The following ERBIN variants were observed in gnomAD, a reference collection of about 807,000 sequenced individuals.
ERBIN encodes the protein erbb2 interacting protein, also known as densin-180-like protein.
ERBIN carries 60 observed loss-of-function variants against 158.4 expected under a neutral mutation model. The observed-to-expected ratio is 0.38, with a 90% CI of 0.31 to 0.47. ERBIN has a LOEUF of 0.47. Ranked by LOEUF, ERBIN falls within the 20% of genes least tolerant of loss-of-function variation. The pLI is 0.99. For synonymous variants in ERBIN, 594 were observed against 557.2 expected, an observed-to-expected ratio of 1.07 and a Z score of -0.93; for missense variants, 1,610 against 1,648.0, an observed-to-expected ratio of 0.98 and a Z score of 0.40.
chr5:66,051,852 C>A (rs114839883), intron 20 of ERBIN, among the ~76,000 whole-genome samples: 8,479 of 149,692 alleles, frequency 0.057, 862 homozygotes, highest in African/African-American at 0.2. Context: ...CTGTGATCAC[C>A]CCACTGCATT....
At position 66,076,390 on chromosome 5, in the gene ERBIN, A is replaced by G. The variant is rs781169756; in HGVS notation, c.4038A>G (p.Pro1346=). ...ISGGVGGRGN[P]FRPDDDGIFV... The stretch of plus-strand genomic sequence containing the variant: ...GTGGTGTCGGGGGTAGAGGAAACCC[A>G]TTCAGACCTGATGATGATGTAAGTT... Residue 1346 remains proline, a synonymous_variant, in exon 24 of 26, where the codon CCA becomes CCG. Coordinates refer to ENST00000284037, the MANE Select transcript of ERBIN (RefSeq NM_001253697.2). The G allele has an allele frequency of 6.2e-7, 1 of 1,612,408 alleles. No individual in the cohort carries two copies. Among genetic ancestry groups the G allele is most frequent in the Non-Finnish European group, 8.5e-7 (1 of 1,179,360 alleles).
intron 21 of ERBIN, among the ~76,000 whole-genome samples, chr5:66,066,521 A>AT (rs1761005777): frequency 6.7e-6 from 1 of 148,470 alleles, no homozygotes; most frequent in Non-Finnish European, 1.5e-5. Flanking sequence ...ACTGCCAAAA[A>AT]TAAAAAAAAA....
chr5:65,970,474 A>T (rs368156897), intron 1 of ERBIN, among the ~76,000 whole-genome samples: 6,102 of 152,126 alleles, frequency 0.04, 413 homozygotes, highest in African/African-American at 0.14. Context: ...ACTAACTACT[A>T]TTTTTCTGTA....
chr5:66,060,161 G>C lies in ERBIN; in HGVS notation c.3633+5210G>C, dbSNP rs577136704. On this transcript the variant is annotated intron_variant, in intron 21 of 25. Transcript: ENST00000284037. Reference sequence around the variant, plus strand: ...TGGTAGAATTCAGCTGTGAATCCATGTGGTCCTGGACTTTTTTTGGTTGGT... The same window carrying C: ...TGGTAGAATTCAGCTGTGAATCCATCTGGTCCTGGACTTTTTTTGGTTGGT... Among the ~76,000 whole-genome samples, 327 of 152,196 alleles carry C rather than the reference G, an allele frequency of 2.1e-3. 1 individual carries two copies. The highest frequency in any genetic ancestry group is 7.7e-3 in the African/African-American group (319 of 41,546).
At chr5:65,981,323 A>G (rs533657642) in intron 1 of ERBIN, among the ~76,000 whole-genome samples, 10 of 152,218 alleles carry the variant, frequency 6.6e-5, no homozygotes, top group Admixed American at 3.3e-4. Context: ...TTAAAGTTTA[A>G]TAAAGAAACA....
At chr5:65,987,689 TAAAG>T (rs1209043042) in intron 1 of ERBIN, among the ~76,000 whole-genome samples, 2 of 151,886 alleles carry the variant, frequency 1.3e-5, no homozygotes, top group Admixed American at 1.3e-4. Context: ...CCCGTCTCTC[TAAAG>T]AGTTAGCCAG....
Position 65,964,897 on chromosome 5 carries a change from G to A in ERBIN, c.-57-23738G>A, listed in dbSNP as rs373455691. On this transcript the variant is annotated intron_variant, in intron 1 of 25. Coordinates refer to ENST00000284037, the MANE Select transcript of ERBIN (RefSeq NM_001253697.2). ...TGGGACTACAGGCGTGGGCCACCAC[G>A]CCTGGCTGATTTGTGTGTGTGTGTG... 1.7e-4 allele frequency among the ~76,000 whole-genome samples: 25 copies of A among 144,400 alleles called. No homozygotes were observed. In the East Asian group the frequency reaches 3.0e-3, roughly 17 times the overall value. The allele number at this position is 144,400 out of a possible 152,430, so 94.7% of individuals were successfully genotyped here.
intron 1 of ERBIN, among the ~76,000 whole-genome samples, chr5:65,987,867 A>G (rs1049810771): frequency 1.3e-5 from 2 of 152,084 alleles, no homozygotes; most frequent in Non-Finnish European, 2.9e-5. Flanking sequence ...AAATCTTAGA[A>G]GGGAAAATAA....
intron 1 of ERBIN, among the ~76,000 whole-genome samples, chr5:65,979,776 A>G (rs1750446499): frequency 6.6e-6 from 1 of 152,272 alleles, no homozygotes. Flanking sequence ...TAAATGTGTG[A>G]ATAAATATGA....
chr5:65,947,619 T>A (rs1363663335), intron 1 of ERBIN, among the ~76,000 whole-genome samples: 1 of 152,156 alleles, frequency 6.6e-6, no homozygotes, highest in Non-Finnish European at 1.5e-5. Context: ...AACATCAAAT[T>A]TAGCTAAGCT....
intron 23 of ERBIN, 107 bp from the exon 24 acceptor site, chr5:66,076,209 A>G (rs1023040534): frequency 1.3e-6 from 1 of 765,600 alleles, no homozygotes; most frequent in African/African-American, 1.8e-5. Flanking sequence ...ATGAATTCTT[A>G]TGTTTATGTT....
chr5:65,996,011 A>T (rs78898067), intron 4 of ERBIN, among the ~76,000 whole-genome samples: 1,747 of 152,052 alleles, frequency 0.011, 97 homozygotes, highest in Admixed American at 0.095. Flanking sequence ...TTGAATGCTA[A>T]CCCCTTCTCA....
intron 25 of ERBIN, 56 bp downstream of exon 25, chr5:66,077,005 G>C: frequency 7.8e-7 from 1 of 1,279,124 alleles, no homozygotes; most frequent in South Asian, 1.3e-5. Context: ...TGTTTTCACA[G>C]TTTAAAATGT....
At chr5:65,950,800 T>TTC (rs1746407058) in intron 1 of ERBIN, among the ~76,000 whole-genome samples, 1 of 152,222 alleles carries the variant, frequency 6.6e-6, no homozygotes, top group African/African-American at 2.4e-5. Flanking sequence ...ATTTTTTTTT[T>TTC]TTCCTGTAGG....
intron 21 of ERBIN, among the ~76,000 whole-genome samples, chr5:66,069,191 C>A (rs1463894492): frequency 3.3e-5 from 5 of 152,174 alleles, no homozygotes; most frequent in African/African-American, 4.8e-5. Flanking sequence ...CTGATAAATT[C>A]ATTATCTCCT....
chr5:65,936,409 T>C (rs546499703), intron 1 of ERBIN, among the ~76,000 whole-genome samples: 3 of 152,310 alleles, frequency 2.0e-5, no homozygotes, highest in African/African-American at 7.2e-5. Context: ...GCCCTATTAA[T>C]CCCTGGGGAC....
rs182546053 is a variant in ERBIN, at chr5:66,073,521, A to T, written c.3756+1230A>T. 3.6e-3 allele frequency among the ~76,000 whole-genome samples: 549 copies of T among 152,316 alleles called. 4 individuals carry two copies. Among genetic ancestry groups the T allele is most frequent in the Non-Finnish European group, 6.1e-3 (418 of 68,018 alleles). On this transcript the variant is annotated intron_variant, in intron 22 of 25. Coordinates refer to ENST00000284037, the MANE Select transcript of ERBIN (RefSeq NM_001253697.2). The stretch of plus-strand genomic sequence containing the variant: ...ACAGAATACCCATGTGTGTTCCTAG[A>T]CTTCAGAATTTAACTAAGTTCTCAA...
At chr5:66,022,459 CTATATT>C (rs1348263570) in intron 8 of ERBIN, among the ~76,000 whole-genome samples, 4 of 152,136 alleles carry the variant, frequency 2.6e-5, no homozygotes, top group African/African-American at 7.2e-5. Context: ...GGATTCTTAT[CTATATT>C]TATATGTTAA....
chr5:66,054,258 A>G lies in ERBIN; in HGVS notation c.2940A>G (p.Gln980=), dbSNP rs1759358203. The G allele has an allele frequency of 6.2e-7, 1 of 1,614,156 alleles. No homozygotes were observed. Among genetic ancestry groups the G allele is most frequent in the African/African-American group, 1.3e-5 (1 of 75,036 alleles). ...QIYGPPQYNI[Q]YSSSAAVKDT... ...ATGGTCCTCCACAGTATAATATCCAATACAGTAGCAGTGCTGCAGTCAAAG... is the reference window on the plus strand; with the variant it reads ...ATGGTCCTCCACAGTATAATATCCAGTACAGTAGCAGTGCTGCAGTCAAAG... Residue 980 remains glutamine (Q), a synonymous_variant, in exon 21 of 26, where the codon CAA becomes CAG. Transcript: ENST00000284037.
Sources: allele counts gnomAD v4.1 joint callset (sites outside exome capture counted in the v4.1 genomes callset), GRCh38; gene constraint gnomAD v4.1.1; transcripts MANE v1.5; gene names NCBI Gene and HGNC (gene_info 2026-07-23, HGNC 2026-07-21).